GNE: variants seen among roughly 807,000 people sequenced by gnomAD.
GNE encodes the protein glucosamine (UDP-N-acetyl)-2-epimerase/N-acetylmannosamine kinase, also known as bifunctional UDP-N-acetylglucosamine 2-epimerase/N-acetylmannosamine kinase.
GNE carries 41 observed loss-of-function variants against 61.8 expected under a neutral mutation model. The observed-to-expected ratio is 0.66, with a 90% CI of 0.52 to 0.86. The LOEUF is 0.86. Among genes scored for constraint, GNE ranks in the 40% least tolerant of loss-of-function variants. GNE has a pLI of 0.00. For synonymous variants in GNE, 264 were observed against 326.4 expected, an observed-to-expected ratio of 0.81 and a Z score of 2.06; for missense variants, 608 against 909.1, an observed-to-expected ratio of 0.67 and a Z score of 4.26.
At position 36,217,600 on chromosome 9, in the gene GNE, G is replaced by C; in HGVS notation, c.1934C>G (p.Ala645Gly). The C allele has an allele frequency of 6.3e-7, 1 of 1,594,506 alleles. No individual in the cohort carries two copies. ...AACCCCAAGACCCAAAGCTGTTCCAGCTATAGGGAGACAAAAATTAAAATG... is the reference window on the plus strand; with the variant it reads ...AACCCCAAGACCCAAAGCTGTTCCACCTATAGGGAGACAAAAATTAAAATG... ...NAKAQSILRT[A>G]GTALGLGVVN... The change falls in exon 12 of 12, where the codon GCT becomes GGT. Residue 645 changes from alanine (A) to glycine (G), a missense_variant and splice_region_variant. Ala to Gly is a moderately conservative substitution (Grantham distance 60). Transcript: ENST00000642385.
chr9:36,259,931 G>C (rs1451481749), upstream of GNE, among the ~76,000 whole-genome samples: 5 of 152,094 alleles, frequency 3.3e-5, no homozygotes, highest in Non-Finnish European at 7.4e-5. Context: ...CAAAGTGCTA[G>C]GATTACAGAC....
At chr9:36,231,089 GAA>G (rs1463574695) in intron 5 of GNE, among the ~76,000 whole-genome samples, 103 of 108,624 alleles carry the variant, frequency 9.5e-4, no homozygotes, top group African/African-American at 2.4e-3. Flanking sequence ...AAAAAAGAAA[GAA>G]AGAGAGAGAG....
chr9:36,246,058 A>AG lies in GNE; in HGVS notation c.588dup (p.Tyr197LeufsTer11). The AG allele has an allele frequency of 1.9e-6, 3 of 1,614,124 alleles. No individual in the cohort carries two copies. The highest frequency in any genetic ancestry group is 2.5e-6 in the Non-Finnish European group (3 of 1,179,964). On this transcript the variant is annotated frameshift_variant, in exon 3 of 12. Transcript: ENST00000642385. LOFTEE classifies it high-confidence loss of function. ...AGCCACATGCGAATGATGCTCATGT[A>AG]GTCTTTGTTCTTGGCTGAGAGAAGT...
rs1828447077 is a variant in GNE, at chr9:36,218,698, C to T, written c.1817-399G>A. 6.6e-6 allele frequency among the ~76,000 whole-genome samples: 1 copy of T among 152,230 alleles called. No homozygotes were observed. Among genetic ancestry groups the T allele is most frequent in the African/African-American group, 2.4e-5 (1 of 41,468 alleles). ...TCTGCCAGCGCCACGCGTTCTATGG[C>T]AGCGAGGCACAGTGGCTGAGGAACA... On this transcript the variant is annotated intron_variant, in intron 10 of 11. Coordinates refer to ENST00000642385, the MANE Select transcript of GNE (RefSeq NM_005476.7). The surrounding 1 kb of genome is among the most constrained non-coding windows in gnomAD (Gnocchi z 4.1).
chr9:36,227,888 TA>T (rs1828957239), intron 6 of GNE, among the ~76,000 whole-genome samples: 1 of 151,548 alleles, frequency 6.6e-6, no homozygotes, highest in Admixed American at 6.6e-5. Context: ...ACACAAAAAT[TA>T]GCCAGGCGTT....
At position 36,217,268 on chromosome 9, in the gene GNE, T is replaced by C. The variant is rs778076954; in HGVS notation, c.*97A>G. 168 of 838,310 alleles carry C rather than the reference T, an allele frequency of 2.0e-4. No individual in the cohort carries two copies. Among genetic ancestry groups the C allele is most frequent in the Non-Finnish European group, 3.1e-4 (154 of 502,790 alleles). The allele number at this position is 838,310 out of a possible 1,614,324, so 51.9% of individuals were successfully genotyped here. ...TCTGCCAAAGTCACCTGCAGTTCAA[T>C]ACCAGATTTGATTGTTAAGAAACGG... On this transcript the variant is annotated 3_prime_UTR_variant, in exon 12 of 12. Transcript: ENST00000642385.
At position 36,249,317 on chromosome 9, in the gene GNE, A is replaced by G. The variant is rs776485443; in HGVS notation, c.39T>C (p.Cys13=). The part of the protein sequence containing the change: ...KNGNNRKLRV[C]VATCNRADYS... ...AATCTGCACGGTTACAAGTAGCAAC[A>G]CAAACCCGCAGCTTTCGGTTATTTC... The change falls in exon 2 of 12, where the codon TGT becomes TGC. Residue 13 remains cysteine, a synonymous_variant. Coordinates refer to ENST00000642385, the MANE Select transcript of GNE (RefSeq NM_005476.7). The G allele has an allele frequency of 1.2e-6, 2 of 1,613,944 alleles. No individual in the cohort carries two copies. Among genetic ancestry groups the G allele is most frequent in the Admixed American group, 3.3e-5 (2 of 60,006 alleles).
chr9:36,275,036 A>T lies in GNE; in HGVS notation c.51+1858T>A, dbSNP rs1831212165. On this transcript the variant is annotated intron_variant, in intron 1 of 11. Transcript: ENST00000396594. ...ACCGCACCCGGCCGGTTTCACAATC[A>T]TTTAAAATGATTCCTAGATGTGAAT... is the stretch of plus-strand genomic sequence containing the variant. 2.0e-5 allele frequency among the ~76,000 whole-genome samples: 3 copies of T among 152,280 alleles called. No individual in the cohort carries two copies. In the South Asian group the frequency reaches 6.2e-4, roughly 32 times the overall value.
In GNE at chr9:36,222,935, A is replaced by T. The variant is rs1563930321; in HGVS notation, c.1475T>A (p.Ile492Asn). 1 of 1,614,176 alleles carries T rather than the reference A, an allele frequency of 6.2e-7. No homozygotes were observed. The highest frequency in any genetic ancestry group is 8.5e-7 in the Non-Finnish European group (1 of 1,180,042). Residue 492 changes from isoleucine (I) to asparagine (N), a missense_variant, in exon 9 of 12, where the codon ATC becomes AAC. Coordinates refer to ENST00000642385, the MANE Select transcript of GNE (RefSeq NM_005476.7). ...EGIVLHSTKL[I>N]QEWNSVDLRT... ...AAGGTCCACAGAGTTCCACTCTTGGATCAGTTTGGTTGAATGCAGCACAAT... is the reference window on the plus strand; with the variant it reads ...AAGGTCCACAGAGTTCCACTCTTGGTTCAGTTTGGTTGAATGCAGCACAAT...
In GNE at chr9:36,216,348, T is replaced by TGTGTGTGTGTGTGTGTGTGTGTGC; in HGVS notation, c.*1016_*1017insGCACACACACACACACACACACAC. Reference sequence around the variant, plus strand: ...AAGGATGTGTGTGTGTGTGTGTGTGTGTGTGTAGACGGAGTCTCGCTCTGT... The same window carrying TGTGTGTGTGTGTGTGTGTGTGTGC: ...AAGGATGTGTGTGTGTGTGTGTGTGTGTGTGTGTGTGTGTGTGTGTGTGCGTGTGTAGACGGAGTCTCGCTCTGT... On this transcript the variant is annotated 3_prime_UTR_variant, in exon 12 of 12. Coordinates refer to ENST00000642385, the MANE Select transcript of GNE (RefSeq NM_005476.7). The TGTGTGTGTGTGTGTGTGTGTGTGC allele has an allele frequency of 2.4e-6, 1 of 422,996 alleles. No individual in the cohort carries two copies. Among genetic ancestry groups the TGTGTGTGTGTGTGTGTGTGTGTGC allele is most frequent in the Non-Finnish European group, 4.9e-6 (1 of 203,672 alleles). The allele number at this position is 422,996 out of a possible 1,614,324, so 26.2% of individuals were successfully genotyped here.
chr9:36,236,359 G>A (rs544753030), intron 4 of GNE, among the ~76,000 whole-genome samples: 2 of 152,054 alleles, frequency 1.3e-5, no homozygotes, highest in Non-Finnish European at 2.9e-5. Flanking sequence ...CACCACTGTG[G>A]CTGGCTAATT....
rs1310461498 is a variant in GNE at position 36,216,258 on chromosome 9, G to A, written c.*1107C>T. ...AAAAAGTGTACTTAAGCCCTTCCTG[G>A]TAAGATTTCCCTCTGTTCTCTGACT... On this transcript the variant is annotated 3_prime_UTR_variant, in exon 12 of 12. Coordinates refer to ENST00000642385, the MANE Select transcript of GNE (RefSeq NM_005476.7). The A allele has an allele frequency of 6.6e-6, 3 of 455,224 alleles. No homozygotes were observed. 28.2% of individuals were successfully genotyped at this position (455,224 alleles called of 1,614,324 possible).
At chr9:36,263,624 C>T (rs1027228227) in intron 1 of GNE, among the ~76,000 whole-genome samples, 1 of 152,104 alleles carries the variant, frequency 6.6e-6, no homozygotes, top group Non-Finnish European at 1.5e-5. Flanking sequence ...ATGGCATTCT[C>T]CTGATGTATT....
intron 1 of GNE, among the ~76,000 whole-genome samples, chr9:36,252,206 C>T (rs1377701024): frequency 6.6e-6 from 1 of 152,034 alleles, no homozygotes; most frequent in Non-Finnish European, 1.5e-5. Context: ...AGACTGGTCT[C>T]GAACTCCTGA....
chr9:36,245,448 C>A (rs879785813), intron 3 of GNE, among the ~76,000 whole-genome samples: 5 of 149,976 alleles, frequency 3.3e-5, no homozygotes, highest in Non-Finnish European at 7.4e-5. Context: ...ACTTTGGGAG[C>A]CCAAGGTGGG....
intron 1 of GNE, among the ~76,000 whole-genome samples, chr9:36,264,079 T>C (rs954325315): frequency 3.9e-5 from 6 of 152,174 alleles, no homozygotes; most frequent in African/African-American, 1.4e-4. Flanking sequence ...CTGAACAACT[T>C]TCTGATTTTA....
intron 1 of GNE, among the ~76,000 whole-genome samples, chr9:36,271,905 G>A (rs771802434): frequency 6.6e-6 from 1 of 151,974 alleles, no homozygotes; most frequent in African/African-American, 2.4e-5. Flanking sequence ...TCATACCTTA[G>A]GTGAGAAACA....
intron 1 of GNE, among the ~76,000 whole-genome samples, chr9:36,275,168 G>A (rs1191592256): frequency 1.3e-5 from 2 of 152,144 alleles, no homozygotes; most frequent in Non-Finnish European, 2.9e-5. Flanking sequence ...CCAAAATTGA[G>A]CTTTCTTCTT....
upstream of GNE, among the ~76,000 whole-genome samples, chr9:36,260,234 C>G (rs1270267929): frequency 2.1e-5 from 3 of 145,910 alleles, no homozygotes; most frequent in Non-Finnish European, 3.0e-5. Flanking sequence ...TGAGCTCGAT[C>G]AAACCACTGC....
Sources: gnomAD v4.1 joint callset for allele counts (sites outside exome capture counted in the v4.1 genomes callset) on GRCh38, gnomAD v4.1.1 for gene constraint, Gnocchi (gnomAD v3.1) non-coding constraint, MANE v1.5 for transcripts, NCBI Gene and HGNC (gene_info 2026-07-23, HGNC 2026-07-21) for gene names.